The following THADA variants were observed in gnomAD, a reference collection of about 807,000 sequenced individuals.
THADA encodes THADA armadillo repeat containing.
Under a neutral mutation model 219.8 loss-of-function variants are expected in THADA, and 213 were observed. The observed-to-expected ratio is 0.97, with a 90% CI of 0.87 to 1.09. THADA has a LOEUF of 1.09. Among genes scored for constraint, THADA ranks in the 50% least tolerant of loss-of-function variants. The pLI is 0.00. For synonymous variants in THADA, 1,018 were observed against 828.9 expected, an observed-to-expected ratio of 1.23 and a Z score of -3.92; for missense variants, 2,956 against 2,311.3, an observed-to-expected ratio of 1.28 and a Z score of -5.72.
intron 9 of THADA, 67 bp from the exon 10 acceptor site, chr2:43,577,309 C>G: frequency 2.4e-6 from 3 of 1,234,538 alleles, no homozygotes; most frequent in Non-Finnish European, 2.3e-6. Flanking sequence ...TTTCAAAATA[C>G]AAACCCAAAC....
At chr2:43,553,071 C>T (rs1327560614) in intron 17 of THADA, among the ~76,000 whole-genome samples, 1 of 152,208 alleles carries the variant, frequency 6.6e-6, no homozygotes, top group Non-Finnish European at 1.5e-5. Context: ...ATCAATACTT[C>T]ATTCCTTCCT....
At chr2:43,323,825 A>G (rs1453925438) in intron 30 of THADA, among the ~76,000 whole-genome samples, 1 of 152,242 alleles carries the variant, frequency 6.6e-6, no homozygotes, top group Non-Finnish European at 1.5e-5. Flanking sequence ...GGAAGAATTT[A>G]GAGACAAAGT....
chr2:43,535,846 G>C (rs1016928669), intron 21 of THADA, among the ~76,000 whole-genome samples: 1 of 151,924 alleles, frequency 6.6e-6, no homozygotes, highest in African/African-American at 2.4e-5. Flanking sequence ...TTTTGAGACT[G>C]ACACTCGCTC....
intron 25 of THADA, among the ~76,000 whole-genome samples, chr2:43,491,133 T>C (rs913361177): frequency 6.6e-6 from 1 of 152,200 alleles, no homozygotes. Context: ...ATATTTTCTG[T>C]TCCCATCCAC....
intron 1 of THADA, among the ~76,000 whole-genome samples, chr2:43,594,503 G>C (rs997224701): frequency 8.5e-5 from 13 of 152,106 alleles, no homozygotes; most frequent in Non-Finnish European, 1.6e-4. Context: ...AGAATGGCTT[G>C]AACCCAGGAG....
rs17030614 is a variant in THADA, at chr2:43,259,444, C to T, written c.5296+20321G>A. Among the ~76,000 whole-genome samples, 1,491 of 152,358 alleles carry T rather than the reference C, an allele frequency of 9.8e-3. 22 individuals carry two copies. The highest frequency in any genetic ancestry group is 0.033 in the African/African-American group (1,354 of 41,592). On this transcript the variant is annotated intron_variant, in intron 36 of 37. Transcript: ENST00000405975. Reference sequence around the variant, plus strand: ...CATCCTACTCTGACTGCACGTCCTGCCAGTTCACGCATTTATGCTCCTTGC... The same window carrying T: ...CATCCTACTCTGACTGCACGTCCTGTCAGTTCACGCATTTATGCTCCTTGC...
rs892182337 is a variant in THADA, at chr2:43,592,171, C to G, written c.77-125G>C. 3.0e-6 allele frequency: 3 copies of G among 1,008,266 alleles called. No homozygotes were observed. In the African/African-American group the frequency reaches 5.0e-5, roughly 17 times the overall value. The allele number at this position is 1,008,266 out of a possible 1,614,324, so 62.5% of individuals were successfully genotyped here. The stretch of plus-strand genomic sequence containing the variant: ...CAATAGGTGGAACATAGTCTGAAGA[C>G]AGAATTTTAAGAAAATTGTTTTACA... On this transcript the variant is annotated intron_variant, in intron 2 of 37. Transcript: ENST00000405975.
chr2:43,584,809 T>A (rs1220308944), intron 7 of THADA, among the ~76,000 whole-genome samples: 7 of 152,066 alleles, frequency 4.6e-5, no homozygotes. Flanking sequence ...AAATAAAGGA[T>A]TGAAGACAGG....
intron 30 of THADA, among the ~76,000 whole-genome samples, chr2:43,330,985 G>T (rs1432342403): frequency 1.3e-5 from 2 of 152,194 alleles, no homozygotes; most frequent in African/African-American, 4.8e-5. Context: ...TATCAGCTTA[G>T]ATTAGATCAC....
chr2:43,550,996 C>G (rs1053805417), intron 19 of THADA, among the ~76,000 whole-genome samples: 1 of 152,132 alleles, frequency 6.6e-6, no homozygotes, highest in African/African-American at 2.4e-5. Context: ...TTTAGACTAA[C>G]AACAGGCTAA....
At chr2:43,500,695 T>C (rs192302868) in intron 24 of THADA, among the ~76,000 whole-genome samples, 11 of 152,310 alleles carry the variant, frequency 7.2e-5, no homozygotes, top group Non-Finnish European at 1.5e-4. Flanking sequence ...TCTCTTTCTA[T>C]ACCAAACTTT....
intron 12 of THADA, 101 bp from the exon 13 acceptor site, chr2:43,571,963 A>G: frequency 8.8e-7 from 1 of 1,130,012 alleles, no homozygotes; most frequent in Middle Eastern, 3.0e-4. Flanking sequence ...GGAAAAAAGT[A>G]AACTTCAGTT....
At chr2:43,256,522 C>T (rs1558475891) in intron 36 of THADA, among the ~76,000 whole-genome samples, 1 of 152,016 alleles carries the variant, frequency 6.6e-6, no homozygotes, top group African/African-American at 2.4e-5. Context: ...AGTGATCCTC[C>T]TACCTCAGCC....
chr2:43,575,096 T>C (rs931233301), intron 10 of THADA, 69 bp from the exon 11 acceptor site: 2 of 1,172,750 alleles, frequency 1.7e-6, no homozygotes, highest in Non-Finnish European at 2.4e-6. Flanking sequence ...TTTATAACAA[T>C]TTAGACTTTA....
At chr2:43,251,368 T>C (rs1260608208) in intron 36 of THADA, among the ~76,000 whole-genome samples, 1 of 152,210 alleles carries the variant, frequency 6.6e-6, no homozygotes, top group Non-Finnish European at 1.5e-5. Flanking sequence ...TGACATCATG[T>C]GGAAAAAATG....
chr2:43,276,228 G>A (rs919788730), intron 36 of THADA, among the ~76,000 whole-genome samples: 1 of 152,166 alleles, frequency 6.6e-6, no homozygotes, highest in Non-Finnish European at 1.5e-5. Flanking sequence ...GAGTGGGGAG[G>A]GAGGGGCAGA....
chr2:43,266,257 C>T (rs1451332320), intron 36 of THADA, among the ~76,000 whole-genome samples: 2 of 152,114 alleles, frequency 1.3e-5, no homozygotes, highest in Non-Finnish European at 2.9e-5. Flanking sequence ...GGCTGTGCTA[C>T]AGAAACAATA....
chr2:43,359,279 G>A (rs1370129398), intron 29 of THADA, among the ~76,000 whole-genome samples: 4 of 152,240 alleles, frequency 2.6e-5, no homozygotes, highest in Non-Finnish European at 5.9e-5. Flanking sequence ...CATTTCCTAA[G>A]AGGGCACCTT....
At chr2:43,280,215 TC>T (rs1673183815) in intron 35 of THADA, among the ~76,000 whole-genome samples, 1 of 152,152 alleles carries the variant, frequency 6.6e-6, no homozygotes, top group South Asian at 2.1e-4. Flanking sequence ...GAGTCCTGAT[TC>T]TCTAGAAGAA....
Sources: gnomAD v4.1 joint callset for allele counts (sites outside exome capture counted in the v4.1 genomes callset) on GRCh38, gnomAD v4.1.1 for gene constraint, MANE v1.5 for transcripts, NCBI Gene and HGNC (gene_info 2026-07-23, HGNC 2026-07-21) for gene names.